Variants in TRAPPC11 observed in about 807,000 individuals in gnomAD.
TRAPPC11 encodes the protein foie gras homolog.
A neutral mutation model predicts 151.2 loss-of-function variants in TRAPPC11; 104 were observed. The observed-to-expected ratio is 0.69, with a 90% confidence interval of 0.59 to 0.81. The LOEUF is 0.81. Among genes scored for constraint, TRAPPC11 ranks in the 30% least tolerant of loss-of-function variants. TRAPPC11 has a pLI of 0.00. For synonymous variants in TRAPPC11, 456 were observed against 472.3 expected (o/e 0.97, Z 0.45); for missense variants, 1,230 against 1,349.6 (o/e 0.91, Z 1.39).
At chr4:183,679,274 C>T (rs1735556846) in intron 8 of TRAPPC11, 79 bp from the exon 9 acceptor site, 5 of 1,311,410 alleles carry the variant, frequency 3.8e-6, no homozygotes, top group African/African-American at 1.5e-5. Context: ...TAATGTTATT[C>T]TCAAAATAGT....
chr4:183,680,060 C>T (rs1450430307), intron 9 of TRAPPC11, 60 bp from the exon 10 acceptor site: 9 of 1,465,268 alleles, frequency 6.1e-6, no homozygotes, highest in African/African-American at 2.8e-5. Context: ...GATGAATTAC[C>T]AGAAATAAGC....
chr4:183,678,782 A>T (rs1188164525), intron 8 of TRAPPC11, among the ~76,000 whole-genome samples: 1 of 152,262 alleles, frequency 6.6e-6, no homozygotes, highest in African/African-American at 2.4e-5. Flanking sequence ...GTACTTAAAA[A>T]ATAAAAGTGA....
At chr4:183,681,291 A>G (rs139414343) in intron 10 of TRAPPC11, among the ~76,000 whole-genome samples, 12 of 152,196 alleles carry the variant, frequency 7.9e-5, no homozygotes, top group African/African-American at 2.6e-4. Context: ...ACTTAAAATG[A>G]ATGGATTTTT....
In TRAPPC11 at chr4:183,692,987, A is replaced by G. The variant is rs374682349; in HGVS notation, c.2077A>G (p.Asn693Asp). 2.2e-5 allele frequency: 36 copies of G among 1,612,818 alleles called. No individual in the cohort carries two copies. In the East Asian group the frequency reaches 6.0e-4, roughly 27 times the overall value. ...EITSVDLALG[N>D]ETGRCVVLNW... ...TACTTCAGTGGATCTTGCTCTGGGC[A>G]ATGAGACGGGAAGATGTGTGGTTTT... The change falls in exon 20 of 30, where the codon AAT becomes GAT. Residue 693 changes from asparagine to aspartate, a missense_variant. Coordinates refer to ENST00000334690, the MANE Select transcript of TRAPPC11 (RefSeq NM_021942.6).
Position 183,712,940 on chromosome 4 carries a change from T to C in TRAPPC11, c.*296T>C. 2.8e-6 allele frequency: 1 copy of C among 359,728 alleles called. No homozygotes were observed. 22.3% of individuals were successfully genotyped at this position (359,728 alleles called of 1,614,324 possible). ...TTCTATGAAAAGTAAGTGATTTGCATGTATAATATCAGGAAAATTAAGCAT... is the reference window on the plus strand; with the variant it reads ...TTCTATGAAAAGTAAGTGATTTGCACGTATAATATCAGGAAAATTAAGCAT... On this transcript the variant is annotated 3_prime_UTR_variant, in exon 30 of 30. Transcript: ENST00000334690.
chr4:183,681,839 A>G (rs1440655666), intron 10 of TRAPPC11, among the ~76,000 whole-genome samples: 1 of 152,170 alleles, frequency 6.6e-6, no homozygotes, highest in Non-Finnish European at 1.5e-5. Context: ...AAAACTGTGC[A>G]TATCTTTTGA....
At chr4:183,701,029 A>G (rs977789311) in intron 25 of TRAPPC11, 2 of 151,890 alleles carry the variant, frequency 1.3e-5, no homozygotes, top group African/African-American at 4.8e-5. Context: ...TAAATTATTT[A>G]TAGGGACGAG....
intron 23 of TRAPPC11, among the ~76,000 whole-genome samples, chr4:183,696,106 T>C (rs1736523633): frequency 1.3e-5 from 2 of 152,160 alleles, no homozygotes; most frequent in African/African-American, 4.8e-5. Context: ...ATTTTGGACT[T>C]GGAATGCTCA....
In TRAPPC11 at chr4:183,693,722, G is replaced by A. The variant is rs1302946870; in HGVS notation, c.2371G>A (p.Ala791Thr). The change falls in exon 21 of 30, where the codon GCT becomes ACT. Residue 791 changes from alanine (A) to threonine (T), a missense_variant. Coordinates refer to ENST00000334690, the MANE Select transcript of TRAPPC11 (RefSeq NM_021942.6). The stretch of plus-strand genomic sequence containing the variant: ...CCAAATCAGAGATGTGAAGCTCACC[G>A]CTGGCTTAAAACCAGGTAAGCATTC... Reference protein sequence around the residue: ...KTQIRDVKLTAGLKPGQDANL... With the variant: ...KTQIRDVKLTTGLKPGQDANL... 3.7e-6 allele frequency: 6 copies of A among 1,613,342 alleles called. No individual in the cohort carries two copies. The highest frequency in any genetic ancestry group is 2.2e-5 in the South Asian group (2 of 90,844).
chr4:183,697,975 G>A, intron 25 of TRAPPC11, 140 bp downstream of exon 25: 1 of 678,786 alleles, frequency 1.5e-6, no homozygotes, highest in Non-Finnish European at 2.4e-6. Flanking sequence ...GAAAGCAAAT[G>A]CATATGGAAT....
chr4:183,703,059 A>G (rs536613025), intron 26 of TRAPPC11, among the ~76,000 whole-genome samples: 3 of 152,356 alleles, frequency 2.0e-5, no homozygotes, highest in African/African-American at 4.8e-5. Flanking sequence ...ATGTAATTAC[A>G]TGGTATGACT....
chr4:183,681,598 A>G (rs539143055), intron 10 of TRAPPC11, among the ~76,000 whole-genome samples: 33 of 152,088 alleles, frequency 2.2e-4, no homozygotes, highest in East Asian at 1.4e-3. Context: ...GGCTAACACG[A>G]TGAAACCCCG....
chr4:183,706,504 A>C lies in TRAPPC11; in HGVS notation c.3056-303A>C, dbSNP rs185745704. Among the ~76,000 whole-genome samples, 65 of 151,744 alleles carry C rather than the reference A, an allele frequency of 4.3e-4. 1 individual carries two copies. The East Asian group carries it at 8.5e-3, about 20-fold the overall frequency. On this transcript the variant is annotated intron_variant, in intron 27 of 29. Coordinates refer to ENST00000334690, the MANE Select transcript of TRAPPC11 (RefSeq NM_021942.6). ...CACCACTGCACTCCAGCCTGGGTGAAAGAGCGAGACTCCGCCTCAAAAAAA... is the reference window on the plus strand; with the variant it reads ...CACCACTGCACTCCAGCCTGGGTGACAGAGCGAGACTCCGCCTCAAAAAAA...
At chr4:183,684,076 A>G (rs747338361) in intron 12 of TRAPPC11, 22 bp downstream of exon 12, 5 of 1,611,308 alleles carry the variant, frequency 3.1e-6, no homozygotes, top group Non-Finnish European at 4.2e-6. Flanking sequence ...GTCCAATATA[A>G]ACTATTTTTT....
At chr4:183,705,782 A>G (rs906600144) in intron 27 of TRAPPC11, 1 of 152,244 alleles carries the variant, frequency 6.6e-6, no homozygotes, top group Non-Finnish European at 1.5e-5. Context: ...GTTTTTGGCA[A>G]GAATACTTCA....
chr4:183,686,463 T>C (rs1394299696), intron 17 of TRAPPC11, among the ~76,000 whole-genome samples, 155 bp from the exon 18 acceptor site: 1 of 152,214 alleles, frequency 6.6e-6, no homozygotes, highest in Non-Finnish European at 1.5e-5. Flanking sequence ...AATAAAAAGT[T>C]AGCTCATTTG....
chr4:183,686,772 T>A, intron 18 of TRAPPC11, 24 bp downstream of exon 18: 3 of 1,611,938 alleles, frequency 1.9e-6, no homozygotes, highest in Non-Finnish European at 2.5e-6. Context: ...GTCATGTGTT[T>A]TTACCACGTT....
In TRAPPC11 at chr4:183,684,852, G is replaced by GT; in HGVS notation, c.1567+17dup. 2 of 1,602,634 alleles carry GT rather than the reference G, an allele frequency of 1.2e-6. No homozygotes were observed. Among genetic ancestry groups the GT allele is most frequent in the Non-Finnish European group, 1.7e-6 (2 of 1,175,820 alleles). ...AACTCCTTGGTAGAGGTAACCTGAT[G>GT]TTTTTTGAGTAAAATTCTTGATACA... is the stretch of plus-strand genomic sequence containing the variant. On this transcript the variant is annotated intron_variant, in intron 15 of 29. Transcript: ENST00000334690.
chr4:183,676,183 C>T (rs1735397538), intron 7 of TRAPPC11, among the ~76,000 whole-genome samples: 1 of 150,984 alleles, frequency 6.6e-6, no homozygotes, highest in Admixed American at 6.6e-5. Flanking sequence ...GAGTTTTGCT[C>T]TTGTTGCCCA....
Sources: gnomAD v4.1 joint callset for allele counts (sites outside exome capture counted in the v4.1 genomes callset) on GRCh38, gnomAD v4.1.1 for gene constraint, MANE v1.5 for transcripts, NCBI Gene and HGNC (gene_info 2026-07-23, HGNC 2026-07-21) for gene names.